APIP: variants seen among roughly 807,000 people sequenced by gnomAD.
APIP encodes methylthioribulose-1-phosphate dehydratase.
A neutral mutation model predicts 32.0 loss-of-function variants in APIP; 32 were observed. The observed-to-expected ratio is 1.00, with a 90% CI of 0.76 to 1.34. The LOEUF (loss-of-function observed/expected upper bound fraction) is 1.34, where lower values mean the gene tolerates loss of function less well. Ranked by LOEUF, APIP falls within the 40% of genes most tolerant of loss-of-function variation. APIP has a pLI of 0.00. For synonymous variants in APIP, 92 were observed against 94.8 expected (o/e 0.97, Z 0.17); for missense variants, 247 against 298.6 (o/e 0.83, Z 1.27).
At chr11:34,896,772 G>A (rs1428418379) in intron 1 of APIP, 2 of 1,283,534 alleles carry the variant, frequency 1.6e-6, no homozygotes, top group East Asian at 1.1e-4. Context: ...TGGGAGAGAA[G>A]TGAGCGCCAA....
intron 1 of APIP, among the ~76,000 whole-genome samples, chr11:34,898,754 A>T (rs2915217): frequency 0.8 from 113,527 of 141,614 alleles, 45,213 homozygotes; most frequent in East Asian, 0.83. Flanking sequence ...CTCTACTACT[A>T]CTCTGGCGAG....
At chr11:34,911,620 T>G (rs2133924642) in intron 1 of APIP, among the ~76,000 whole-genome samples, 1 of 152,270 alleles carries the variant, frequency 6.6e-6, no homozygotes, top group South Asian at 2.1e-4. Context: ...AAAATCTGAG[T>G]TTCCAGTTTC....
chr11:34,916,168 C>T (rs1853681904), intron 1 of APIP, 60 bp downstream of exon 1: 4 of 1,568,604 alleles, frequency 2.6e-6, no homozygotes, highest in Admixed American at 1.8e-5. Flanking sequence ...GCTCCAGCCG[C>T]CGGGTCCCGC....
intron 1 of APIP, among the ~76,000 whole-genome samples, chr11:34,909,925 G>T (rs1275288825): frequency 6.6e-6 from 1 of 152,176 alleles, no homozygotes; most frequent in Admixed American, 6.5e-5. Flanking sequence ...GGAAGGTGAG[G>T]AAGTTCATTA....
At chr11:34,884,251 C>T (rs1005371643) in intron 5 of APIP, among the ~76,000 whole-genome samples, 2 of 144,802 alleles carry the variant, frequency 1.4e-5, no homozygotes, top group Non-Finnish European at 3.1e-5. Context: ...TTTTTCACTA[C>T]TTCTATAGTG....
intron 1 of APIP, among the ~76,000 whole-genome samples, chr11:34,898,827 C>G (rs1320769259): frequency 1.7e-5 from 2 of 116,734 alleles, no homozygotes; most frequent in African/African-American, 6.6e-5. Flanking sequence ...GAGGCAGAGT[C>G]TCGCTCTTTC....
intron 1 of APIP, among the ~76,000 whole-genome samples, chr11:34,904,629 C>T (rs946845289): frequency 6.6e-6 from 1 of 152,160 alleles, no homozygotes; most frequent in Non-Finnish European, 1.5e-5. Flanking sequence ...AAAAGCCCAA[C>T]CCCAGGAAAC....
At chr11:34,891,099 C>T (rs1853178812) in intron 2 of APIP, among the ~76,000 whole-genome samples, 2 of 152,206 alleles carry the variant, frequency 1.3e-5, no homozygotes, top group East Asian at 1.9e-4. Flanking sequence ...GAATCACATG[C>T]TTCCCATTTG....
chr11:34,889,652 T>C (rs905624961), intron 3 of APIP, among the ~76,000 whole-genome samples: 3 of 152,060 alleles, frequency 2.0e-5, no homozygotes, highest in Non-Finnish European at 4.4e-5. Context: ...CACCCTCCAG[T>C]AGGTCCCAGT....
At chr11:34,884,850 ATTT>A in intron 5 of APIP, among the ~76,000 whole-genome samples, 1 of 152,070 alleles carries the variant, frequency 6.6e-6, no homozygotes, top group East Asian at 1.9e-4. Context: ...AGTCAGAAAT[ATTT>A]TCAGGAGCAA....
chr11:34,916,145 T>C (rs1853679704), intron 1 of APIP, 83 bp downstream of exon 1: 2 of 1,533,018 alleles, frequency 1.3e-6, no homozygotes, highest in East Asian at 2.4e-5. Flanking sequence ...CCCGGCCCGC[T>C]ACCCTGCGCC....
At chr11:34,914,736 G>A (rs1410965511) in intron 1 of APIP, among the ~76,000 whole-genome samples, 1 of 152,140 alleles carries the variant, frequency 6.6e-6, no homozygotes, top group Non-Finnish European at 1.5e-5. Context: ...GGGCGTGGTG[G>A]CTTACACCTG....
chr11:34,916,362 G>C lies in APIP; in HGVS notation c.-78C>G. On this transcript the variant is annotated 5_prime_UTR_variant, in exon 1 of 7. Transcript: ENST00000395787. Reference sequence around the variant, plus strand: ...GGCGCTTAGCCTGGGATACGGCAGCGAGGCCGCAAATGCAATCAGGCGGCG... The same window carrying C: ...GGCGCTTAGCCTGGGATACGGCAGCCAGGCCGCAAATGCAATCAGGCGGCG... The C allele has an allele frequency of 6.4e-7, 1 of 1,573,960 alleles. No individual in the cohort carries two copies.
At chr11:34,911,692 T>G (rs1332211770) in intron 1 of APIP, among the ~76,000 whole-genome samples, 2 of 152,098 alleles carry the variant, frequency 1.3e-5, no homozygotes, top group South Asian at 2.1e-4. Flanking sequence ...AAACGATCAG[T>G]GTTGTGTAGT....
chr11:34,888,613 G>A (rs2133905721), intron 4 of APIP, 139 bp downstream of exon 4: 1 of 1,097,192 alleles, frequency 9.1e-7, no homozygotes, highest in East Asian at 2.7e-5. Flanking sequence ...AGGTTGATGT[G>A]AGAACTGAGT....
Position 34,888,401 on chromosome 11 carries a change from G to C in APIP, c.353C>G (p.Ser118Cys). Residue 118 changes from serine to cysteine, a missense_variant, in exon 5 of 7, where the codon TCT becomes TGT. Ser to Cys is a moderately radical substitution (Grantham distance 112, BLOSUM62 -1). Coordinates refer to ENST00000395787, the MANE Select transcript of APIP (RefSeq NM_015957.4). ...AAGTGTGGCCATCACAGCAGCTTTA[G>C]AGTGGGTATGAATCACTGCACCTGC... ...RGAGAVIHTH[S>C]KAAVMATLLF... 1 of 1,610,828 alleles carries C rather than the reference G, an allele frequency of 6.2e-7. No homozygotes were observed.
chr11:34,887,209 T>C (rs571982307), intron 5 of APIP, among the ~76,000 whole-genome samples: 164 of 149,264 alleles, frequency 1.1e-3, no homozygotes, highest in Non-Finnish European at 2.4e-4. Flanking sequence ...AGACTCTCTC[T>C]TATGCCCTGT....
chr11:34,901,914 G>C lies in APIP; in HGVS notation c.58-6804C>G, dbSNP rs1590710800. The stretch of plus-strand genomic sequence containing the variant: ...GAGCCCAGAGGCTAGGAAAGGGCTA[G>C]AAGCCGTTATTAATAACCTAAAGAT... On this transcript the variant is annotated intron_variant, in intron 1 of 6. Transcript: ENST00000395787. 2.6e-5 allele frequency among the ~76,000 whole-genome samples: 4 copies of C among 152,274 alleles called. No homozygotes were observed. The East Asian group carries it at 7.7e-4, about 29-fold the overall frequency.
intron 5 of APIP, among the ~76,000 whole-genome samples, chr11:34,886,086 G>T (rs1304772829): frequency 1.3e-5 from 2 of 152,020 alleles, no homozygotes; most frequent in Non-Finnish European, 2.9e-5. Flanking sequence ...TACTTATATG[G>T]TTTTTAAAAA....
Sources: gnomAD v4.1 joint callset for allele counts (sites outside exome capture counted in the v4.1 genomes callset) on GRCh38, gnomAD v4.1.1 for gene constraint, MANE v1.5 for transcripts, NCBI Gene and HGNC (gene_info 2026-07-23, HGNC 2026-07-21) for gene names.